ELAC2: variants seen among roughly 807,000 people sequenced by gnomAD.
ELAC2 encodes the protein elaC ribonuclease Z 2, also known as zinc phosphodiesterase ELAC protein 2.
A neutral mutation model predicts 105.2 loss-of-function variants in ELAC2; 92 were observed. The observed-to-expected ratio is 0.87, with a 90% CI of 0.74 to 1.04. The LOEUF is 1.04. Among genes scored for constraint, ELAC2 ranks in the 50% least tolerant of loss-of-function variants. The pLI is 0.00. For missense variants in ELAC2, 1,099 were observed against 1,071.7 expected (o/e 1.03, Z -0.36); for synonymous variants, 468 against 409.1 (o/e 1.14, Z -1.74).
chr17:13,011,659 T>G lies in ELAC2; in HGVS notation c.679+4A>C. 6.2e-7 allele frequency: 1 copy of G among 1,614,196 alleles called. No homozygotes were observed. The highest frequency in any genetic ancestry group is 8.5e-7 in the Non-Finnish European group (1 of 1,180,030). The stretch of plus-strand genomic sequence containing the variant: ...CTGCTGCTCTGTTTTGTTTATACTA[T>G]TACCATGTGGAAGGTGTGGCTCATT... On this transcript the variant is annotated splice_donor_region_variant and intron_variant, in intron 7 of 23. Coordinates refer to ENST00000338034, the MANE Select transcript of ELAC2 (RefSeq NM_018127.7).
At position 12,993,917 on chromosome 17, in the gene ELAC2, T is replaced by C; in HGVS notation, c.2109-86A>G. Reference sequence around the variant, plus strand: ...AGTGGCACAGACCCTGGCCATCAACTGCCAGGGCACCCGGGGAAGCTGGTG... The same window carrying C: ...AGTGGCACAGACCCTGGCCATCAACCGCCAGGGCACCCGGGGAAGCTGGTG... On this transcript the variant is annotated intron_variant, in intron 22 of 23. Coordinates refer to ENST00000338034, the MANE Select transcript of ELAC2 (RefSeq NM_018127.7). 6 of 1,594,232 alleles carry C rather than the reference T, an allele frequency of 3.8e-6. No homozygotes were observed. In the South Asian group the frequency reaches 5.6e-5, roughly 15 times the overall value.
chr17:12,995,285 G>A (rs1287476146), intron 19 of ELAC2, among the ~76,000 whole-genome samples: 2 of 152,198 alleles, frequency 1.3e-5, no homozygotes, highest in African/African-American at 4.8e-5. Flanking sequence ...CTCCGGCTCA[G>A]GCAGCACGGG....
At position 12,993,754 on chromosome 17, in the gene ELAC2, T is replaced by C. The variant is rs2040323207; in HGVS notation, c.2186A>G (p.Tyr729Cys). 21 of 1,614,150 alleles carry C rather than the reference T, an allele frequency of 1.3e-5. No individual in the cohort carries two copies. Among genetic ancestry groups the C allele is most frequent in the Non-Finnish European group, 1.7e-5 (20 of 1,180,016 alleles). Residue 729 changes from tyrosine (Y) to cysteine (C), a missense_variant, in exon 23 of 24, where the codon TAT becomes TGT. Coordinates refer to ENST00000338034, the MANE Select transcript of ELAC2 (RefSeq NM_018127.7). ...GGGGCTGAAGAGGGGGACCTTGGCA[T>C]AGCGCTGGCTGAAGTGGTTCAGCAT... ...FIMLNHFSQR[Y>C]AKVPLFSPNF...
chr17:12,993,825 CGTT>C lies in ELAC2; in HGVS notation c.2112_2114del (p.Thr705del). 6.2e-7 allele frequency: 1 copy of C among 1,614,152 alleles called. No individual in the cohort carries two copies. The highest frequency in any genetic ancestry group is 8.5e-7 in the Non-Finnish European group (1 of 1,180,038). ...GCATCCCCACGCTGATGGCTTGGGACGTTGTGCTGCAGGTGAAGGACAGAGCAG... is the reference window on the plus strand; with the variant it reads ...GCATCCCCACGCTGATGGCTTGGGACGTGCTGCAGGTGAAGGACAGAGCAG... On this transcript the variant is annotated inframe_deletion, in exon 23 of 24. Coordinates refer to ENST00000338034, the MANE Select transcript of ELAC2 (RefSeq NM_018127.7).
chr17:13,003,394 G>C (rs565662285), intron 12 of ELAC2, 85 bp downstream of exon 12: 1 of 1,263,426 alleles, frequency 7.9e-7, no homozygotes, highest in African/African-American at 1.5e-5. Context: ...GGTAGGTAGC[G>C]CTGGAAAGAG....
At chr17:13,013,323 T>G (rs1360546795) in intron 5 of ELAC2, 48 bp from the exon 6 acceptor site, 1 of 1,601,158 alleles carries the variant, frequency 6.2e-7, no homozygotes, top group African/African-American at 1.3e-5. Context: ...AGTGAAGATG[T>G]GTGGGAAGAG....
At chr17:13,017,222 GA>G (rs888105211) in intron 1 of ELAC2, 101 bp from the exon 2 acceptor site, 86 of 1,104,984 alleles carry the variant, frequency 7.8e-5, no homozygotes, top group South Asian at 2.8e-4. Flanking sequence ...AAAAAAAAAA[GA>G]AAAAAAAATT....
intron 16 of ELAC2, 96 bp downstream of exon 16, chr17:12,998,316 A>G (rs1598210367): frequency 8.5e-7 from 1 of 1,172,888 alleles, no homozygotes; most frequent in South Asian, 1.2e-5. Flanking sequence ...AGGGCTTGAT[A>G]CCGCATTTCA....
In ELAC2 at chr17:12,993,738, G is replaced by C; in HGVS notation, c.2202C>G (p.Leu734=). The part of the protein sequence containing the change: ...HFSQRYAKVP[L]FSPNFSEKVG... ...CTTTCTCGCTGAAGTTGGGGCTGAA[G>C]AGGGGGACCTTGGCATAGCGCTGGC... The change falls in exon 23 of 24, where the codon CTC becomes CTG. Residue 734 remains leucine (L), a synonymous_variant. Coordinates refer to ENST00000338034, the MANE Select transcript of ELAC2 (RefSeq NM_018127.7). 1 of 1,614,188 alleles carries C rather than the reference G, an allele frequency of 6.2e-7. No homozygotes were observed. Among genetic ancestry groups the C allele is most frequent in the Non-Finnish European group, 8.5e-7 (1 of 1,180,022 alleles).
chr17:13,014,255 T>C (rs1003488851), intron 5 of ELAC2, among the ~76,000 whole-genome samples, 184 bp downstream of exon 5: 2 of 134,392 alleles, frequency 1.5e-5, no homozygotes, highest in Non-Finnish European at 3.0e-5. Context: ...ATCATGCCAC[T>C]GCACTCCAGC....
At position 12,994,805 on chromosome 17, in the gene ELAC2, T is replaced by C. The variant is rs781379178; in HGVS notation, c.1988A>G (p.Tyr663Cys). The change falls in exon 21 of 24, where the codon TAT (tyrosine) becomes TGT (cysteine). Residue 663 changes from tyrosine to cysteine, a missense_variant. Transcript: ENST00000338034. ...CTCGCAGGGCATGGTGTCCCCGGAA[T>C]AGACCACTTTCCAGCCAGAGGTGTG... The part of the protein sequence containing the change: ...LVHTSGWKVV[Y>C]SGDTMPCEAL... 2.0e-5 allele frequency: 32 copies of C among 1,614,036 alleles called. No individual in the cohort carries two copies. The highest frequency in any genetic ancestry group is 2.5e-5 in the Non-Finnish European group (30 of 1,180,028).
intron 23 of ELAC2, 31 bp downstream of exon 23, chr17:12,993,656 C>T: frequency 1.2e-6 from 2 of 1,613,900 alleles, no homozygotes; most frequent in Admixed American, 3.3e-5. Flanking sequence ...TGCCCCGTCC[C>T]CGCCCTGTGC....
chr17:13,017,033 T>TAATCAACTCCCC (rs1425974135), intron 2 of ELAC2, 38 bp downstream of exon 2: 1 of 1,613,558 alleles, frequency 6.2e-7, no homozygotes, highest in Non-Finnish European at 8.5e-7. Flanking sequence ...TCAAGCCCCG[T>TAATCAACTCCCC]AATCAACTCC....
chr17:13,005,715 AC>A, intron 10 of ELAC2, 37 bp downstream of exon 10: 1 of 1,600,424 alleles, frequency 6.2e-7, no homozygotes, highest in Non-Finnish European at 8.5e-7. Context: ...TTCAGACCCT[AC>A]CTGTAACTGC....
In ELAC2 at chr17:13,017,070, C is replaced by G; in HGVS notation, c.296+1G>C. 1.2e-6 allele frequency: 2 copies of G among 1,614,142 alleles called. No individual in the cohort carries two copies. The highest frequency in any genetic ancestry group is 1.7e-6 in the Non-Finnish European group (2 of 1,179,998). On this transcript the variant is annotated splice_donor_variant, in intron 2 of 23. Transcript: ENST00000338034. LOFTEE classifies it high-confidence loss of function. Reference sequence around the variant, plus strand: ...CCTCCGAAAGCAAGAGACTGACTCACTTGTGCTCCTGCATGAGTCTCTGAA... The same window carrying G: ...CCTCCGAAAGCAAGAGACTGACTCAGTTGTGCTCCTGCATGAGTCTCTGAA...
chr17:13,003,777 T>A, intron 11 of ELAC2: 1 of 603,508 alleles, frequency 1.7e-6, no homozygotes, highest in Non-Finnish European at 3.0e-6. Flanking sequence ...GTGGGATTCC[T>A]GTATCTGGCA....
intron 9 of ELAC2, 21 bp from the exon 10 acceptor site, chr17:13,005,846 C>T (rs181386908): frequency 1.2e-6 from 2 of 1,614,134 alleles, no homozygotes; most frequent in Non-Finnish European, 1.7e-6. Context: ...GAGGCAAGGC[C>T]TCTGTGAAAT....
Position 12,995,826 on chromosome 17 carries a change from T to C in ELAC2, c.1699-14A>G. 1 of 1,604,468 alleles carries C rather than the reference T, an allele frequency of 6.2e-7. No individual in the cohort carries two copies. The highest frequency in any genetic ancestry group is 8.5e-7 in the Non-Finnish European group (1 of 1,175,444). ...TCCCAAAGATGCCTGGAACAAAAAATGCAAGTGCCGACTCGACGACAGAAC... is the reference window on the plus strand; with the variant it reads ...TCCCAAAGATGCCTGGAACAAAAAACGCAAGTGCCGACTCGACGACAGAAC... On this transcript the variant is annotated splice_polypyrimidine_tract_variant and intron_variant, in intron 18 of 23. Coordinates refer to ENST00000338034, the MANE Select transcript of ELAC2 (RefSeq NM_018127.7).
intron 23 of ELAC2, 38 bp from the exon 24 acceptor site, chr17:12,993,083 G>C: frequency 1.9e-6 from 3 of 1,589,764 alleles, no homozygotes; most frequent in Non-Finnish European, 2.6e-6. Flanking sequence ...ATGTCTCAGA[G>C]GGGCAGGGGT....
Sources: allele counts gnomAD v4.1 joint callset (sites outside exome capture counted in the v4.1 genomes callset), GRCh38; gene constraint gnomAD v4.1.1; transcripts MANE v1.5; gene names NCBI Gene and HGNC (gene_info 2026-07-23, HGNC 2026-07-21).